MCTP1: variants seen among roughly 807,000 people sequenced by gnomAD.
The protein encoded by MCTP1 is multiple C2 and transmembrane domain containing 1, also known as multiple C2 and transmembrane domain-containing protein 1.
A neutral mutation model predicts 120.6 loss-of-function variants in MCTP1; 69 were observed. The observed-to-expected ratio is 0.57, with a 90% CI of 0.47 to 0.70. The LOEUF (loss-of-function observed/expected upper bound fraction) is 0.70. Among genes scored for constraint, MCTP1 ranks in the 30% least tolerant of loss-of-function variants. MCTP1 has a pLI of 0.00. For synonymous variants in MCTP1, 529 were observed against 493.1 expected (o/e 1.07, Z -0.96); for missense variants, 1,203 against 1,248.8 (o/e 0.96, Z 0.55).
chr5:95,125,700 G>A (rs922519320), intron 1 of MCTP1, among the ~76,000 whole-genome samples: 1 of 152,138 alleles, frequency 6.6e-6, no homozygotes, highest in Non-Finnish European at 1.5e-5. Flanking sequence ...GTGCCTTATT[G>A]ACTGGTGTAT....
chr5:95,125,801 A>T (rs1040439203), intron 1 of MCTP1, among the ~76,000 whole-genome samples: 5 of 152,210 alleles, frequency 3.3e-5, no homozygotes, highest in African/African-American at 1.2e-4. Flanking sequence ...TATGTTTTGA[A>T]ATTAGTGTTT....
At chr5:95,235,587 C>A (rs372129233) in intron 1 of MCTP1, among the ~76,000 whole-genome samples, 1 of 151,942 alleles carries the variant, frequency 6.6e-6, no homozygotes, top group African/African-American at 2.4e-5. Context: ...TGAATGTATA[C>A]GCCTGAACTT....
At chr5:95,188,664 C>T (rs1229113501) in intron 1 of MCTP1, among the ~76,000 whole-genome samples, 1 of 152,092 alleles carries the variant, frequency 6.6e-6, no homozygotes, top group Non-Finnish European at 1.5e-5. Context: ...GAATATATTA[C>T]TCATTTCCAG....
chr5:94,867,239 A>T, intron 17 of MCTP1: 2 of 1,454,912 alleles, frequency 1.4e-6, no homozygotes, highest in East Asian at 2.6e-5. Flanking sequence ...AAACTTAACG[A>T]TAATGACAAT....
At chr5:94,901,170 C>T (rs182486660) in intron 10 of MCTP1, among the ~76,000 whole-genome samples, 1 of 152,320 alleles carries the variant, frequency 6.6e-6, no homozygotes, top group Admixed American at 6.5e-5. Flanking sequence ...GCCTCACAAT[C>T]ATGGCAGAAG....
At chr5:94,876,658 TA>T (rs1305576314) in intron 12 of MCTP1, among the ~76,000 whole-genome samples, 2 of 152,166 alleles carry the variant, frequency 1.3e-5, no homozygotes, top group African/African-American at 4.8e-5. Flanking sequence ...TTATTTTGGC[TA>T]AAAAGAGTCA....
chr5:94,984,409 G>A (rs387468), intron 2 of MCTP1, among the ~76,000 whole-genome samples: 2 of 152,018 alleles, frequency 1.3e-5, no homozygotes, highest in South Asian at 4.1e-4. Flanking sequence ...CATGGTATAC[G>A]TTTAGGAAAT....
chr5:94,930,715 AT>A (rs1814455933), intron 6 of MCTP1: 1 of 152,216 alleles, frequency 6.6e-6, no homozygotes, highest in African/African-American at 2.4e-5. Flanking sequence ...ATGGGTTGTC[AT>A]GTTTTTTACA....
intron 1 of MCTP1, among the ~76,000 whole-genome samples, chr5:95,264,022 A>C (rs1758687693): frequency 6.6e-6 from 1 of 152,236 alleles, no homozygotes; most frequent in Non-Finnish European, 1.5e-5. Context: ...TGACAGGGAC[A>C]GTAAAAGAAG....
intron 17 of MCTP1, chr5:94,825,940 A>G: frequency 4.8e-6 from 1 of 207,818 alleles, no homozygotes; most frequent in South Asian, 9.6e-5. Flanking sequence ...TTAGAAAAAT[A>G]ATCATGGTAG....
chr5:95,118,732 A>T (rs1406711789), intron 1 of MCTP1, among the ~76,000 whole-genome samples: 5 of 152,210 alleles, frequency 3.3e-5, no homozygotes, highest in Non-Finnish European at 5.9e-5. Flanking sequence ...AAGTGGCTAT[A>T]CCTATCCTAT....
chr5:94,712,628 A>G (rs773159338), intron 20 of MCTP1, among the ~76,000 whole-genome samples: 1 of 151,842 alleles, frequency 6.6e-6, no homozygotes. Flanking sequence ...TGGTTATCCT[A>G]TTTTCAGTAA....
intron 12 of MCTP1, among the ~76,000 whole-genome samples, chr5:94,874,753 A>T (rs1460370819): frequency 6.6e-6 from 1 of 152,190 alleles, no homozygotes; most frequent in Non-Finnish European, 1.5e-5. Flanking sequence ...TTTGTTCATT[A>T]AAACACGTAG....
chr5:95,130,977 C>T (rs534858545), intron 1 of MCTP1, among the ~76,000 whole-genome samples: 3 of 152,010 alleles, frequency 2.0e-5, no homozygotes, highest in East Asian at 1.9e-4. Context: ...TTCCGGGACA[C>T]GTTTTGGTTT....
At position 94,947,577 on chromosome 5, in the gene MCTP1, T is replaced by TAGAGAGAG. The variant is rs3030518; in HGVS notation, c.982-5158_982-5151dup. Among the ~76,000 whole-genome samples the TAGAGAGAG allele has an allele frequency of 1.1e-3, 54 of 47,364 alleles. 1 individual carries two copies. The highest frequency in any genetic ancestry group is 1.4e-3 in the Non-Finnish European group (34 of 24,994). The allele number at this position is 47,364 out of a possible 152,430, so 31.1% of individuals were successfully genotyped here. ...CTAAATATATATATATATATATATA[T>TAGAGAGAG]AGAGAGAGAGAGAGAGAGAGAGAGA... On this transcript the variant is annotated intron_variant, in intron 3 of 22. Transcript: ENST00000515393.
At chr5:95,061,935 T>C (rs956232531) in intron 1 of MCTP1, among the ~76,000 whole-genome samples, 1 of 152,196 alleles carries the variant, frequency 6.6e-6, no homozygotes, top group Non-Finnish European at 1.5e-5. Context: ...GGTTAGGGCC[T>C]GGGCTTTGAT....
At chr5:94,895,130 A>G (rs1419921063) in intron 10 of MCTP1, among the ~76,000 whole-genome samples, 1 of 152,154 alleles carries the variant, frequency 6.6e-6, no homozygotes, top group African/African-American at 2.4e-5. Flanking sequence ...TAGGTGGCCT[A>G]AGGAATTAGG....
At position 94,705,752 on chromosome 5, in the gene MCTP1, A is replaced by G. The variant is rs1425659922; in HGVS notation, c.*1744T>C. On this transcript the variant is annotated 3_prime_UTR_variant, in exon 23 of 23. Coordinates refer to ENST00000515393, the MANE Select transcript of MCTP1 (RefSeq NM_024717.7). ...AGAACATAAAAGTCTCACATAAGGTATAATTGAAAGTTATTTCAAACAGTT... is the reference window on the plus strand; with the variant it reads ...AGAACATAAAAGTCTCACATAAGGTGTAATTGAAAGTTATTTCAAACAGTT... 1 of 151,458 alleles carries G rather than the reference A, an allele frequency of 6.6e-6. No homozygotes were observed. Among genetic ancestry groups the G allele is most frequent in the African/African-American group, 2.4e-5 (1 of 41,314 alleles). 9.4% of individuals were successfully genotyped at this position (151,458 alleles called of 1,614,324 possible). A position where few individuals can be genotyped will look rare whatever the true frequency, so the allele number is the denominator to read the frequency against.
At chr5:95,134,136 T>C (rs961684268) in intron 1 of MCTP1, among the ~76,000 whole-genome samples, 1 of 152,218 alleles carries the variant, frequency 6.6e-6, no homozygotes, top group African/African-American at 2.4e-5. Flanking sequence ...ATTCTATAAA[T>C]AGGTGAGATT....
Sources: allele counts gnomAD v4.1 joint callset (sites outside exome capture counted in the v4.1 genomes callset), GRCh38; gene constraint gnomAD v4.1.1; transcripts MANE v1.5; gene names NCBI Gene and HGNC (gene_info 2026-07-23, HGNC 2026-07-21).